The following ADAMTSL1 variants were observed in gnomAD, a reference collection of about 807,000 sequenced individuals.
The protein encoded by ADAMTSL1 is ADAMTS like 1.
A neutral mutation model predicts 201.8 loss-of-function variants in ADAMTSL1; 126 were observed. The ratio of observed to expected loss-of-function variants is 0.62; its 90% CI spans 0.54 to 0.72. The LOEUF (loss-of-function observed/expected upper bound fraction) is 0.72. Among genes scored for constraint, ADAMTSL1 ranks in the 30% least tolerant of loss-of-function variants. The probability of loss-of-function intolerance (pLI) is 0.00; values close to 1 mark genes in which losing one functional copy is unlikely to be tolerated. For synonymous variants in ADAMTSL1, 1,121 were observed against 903.4 expected, an observed-to-expected ratio of 1.24 and a Z score of -4.32; for missense variants, 2,679 against 2,277.8, an observed-to-expected ratio of 1.18 and a Z score of -3.59.
intron 2 of ADAMTSL1, among the ~76,000 whole-genome samples, chr9:18,289,022 A>T (rs1045185013): frequency 6.6e-6 from 1 of 152,240 alleles, no homozygotes; most frequent in African/African-American, 2.4e-5. Context: ...ACTGTAAATT[A>T]TATGAGTCTA....
intron 1 of ADAMTSL1, among the ~76,000 whole-genome samples, chr9:18,162,148 TC>T (rs1472424150): frequency 1.3e-5 from 2 of 152,030 alleles, no homozygotes; most frequent in African/African-American, 4.8e-5. Flanking sequence ...ACAGTTCTCA[TC>T]TAGGACTGGG....
At chr9:18,277,625 C>G (rs1361962848) in intron 2 of ADAMTSL1, among the ~76,000 whole-genome samples, 2 of 152,104 alleles carry the variant, frequency 1.3e-5, no homozygotes, top group Non-Finnish European at 2.9e-5. Flanking sequence ...GTTACATGGG[C>G]TGTTTCTTTC....
intron 1 of ADAMTSL1, among the ~76,000 whole-genome samples, chr9:18,141,793 C>T (rs1268521136): frequency 6.6e-6 from 1 of 152,198 alleles, no homozygotes; most frequent in Non-Finnish European, 1.5e-5. Flanking sequence ...CTGACTCTTT[C>T]ACCAACAGGC....
intron 1 of ADAMTSL1, among the ~76,000 whole-genome samples, chr9:18,059,381 A>C (rs1822348602): frequency 6.6e-6 from 1 of 152,138 alleles, no homozygotes; most frequent in African/African-American, 2.4e-5. Flanking sequence ...TGATAATTTC[A>C]TGTCATGTAT....
At chr9:18,761,995 A>C (rs550933639) in intron 16 of ADAMTSL1, among the ~76,000 whole-genome samples, 3 of 152,200 alleles carry the variant, frequency 2.0e-5, no homozygotes, top group Non-Finnish European at 4.4e-5. Context: ...CAGCCTGATA[A>C]AAGGTAGATG....
chr9:18,242,590 A>G (rs1265934976), intron 2 of ADAMTSL1, among the ~76,000 whole-genome samples: 1 of 152,126 alleles, frequency 6.6e-6, no homozygotes, highest in Non-Finnish European at 1.5e-5. Context: ...TGAAGGTGGT[A>G]TGATCTATTA....
At chr9:18,518,255 T>C (rs1315352877) in intron 2 of ADAMTSL1, among the ~76,000 whole-genome samples, 1 of 152,204 alleles carries the variant, frequency 6.6e-6, no homozygotes, top group Non-Finnish European at 1.5e-5. Context: ...ACCCAAATAT[T>C]GAACGTCGTA....
chr9:18,160,154 C>G lies in ADAMTSL1; in HGVS notation c.88-3708C>G, dbSNP rs12002553. 6.3e-3 allele frequency among the ~76,000 whole-genome samples: 963 copies of G among 152,082 alleles called. 10 individuals are homozygous for G. Among genetic ancestry groups the G allele is most frequent in the African/African-American group, 0.021 (852 of 41,502 alleles). ...GTTTCTGTATTCCCGGGTTGGTTCT[C>G]TAAGGAATGCTTTGGTGTGCCATGA... On this transcript the variant is annotated intron_variant, in intron 1 of 29. Coordinates refer to the ADAMTSL1 transcript ENST00000680146.
intron 19 of ADAMTSL1, among the ~76,000 whole-genome samples, chr9:18,780,444 G>T (rs1347631257): frequency 6.6e-6 from 1 of 152,166 alleles, no homozygotes; most frequent in East Asian, 1.9e-4. Context: ...GATCACAAGA[G>T]TTTGAGAAGG....
At chr9:18,480,398 C>T (rs1339296210) in intron 1 of ADAMTSL1, among the ~76,000 whole-genome samples, 3 of 152,156 alleles carry the variant, frequency 2.0e-5, no homozygotes, top group Non-Finnish European at 4.4e-5. Context: ...CTGCTGGATG[C>T]AGAGAATCCA....
intron 2 of ADAMTSL1, among the ~76,000 whole-genome samples, chr9:18,253,864 G>A (rs571100020): frequency 3.9e-5 from 6 of 152,276 alleles, no homozygotes; most frequent in African/African-American, 1.4e-4. Context: ...GTAGTGGGAC[G>A]AGGCAAGCAC....
At chr9:18,071,321 G>T (rs115908832) in intron 1 of ADAMTSL1, among the ~76,000 whole-genome samples, 1 of 152,168 alleles carries the variant, frequency 6.6e-6, no homozygotes, top group East Asian at 1.9e-4. Flanking sequence ...TTTAGAATTT[G>T]TCCAGAACAC....
intron 3 of ADAMTSL1, among the ~76,000 whole-genome samples, chr9:18,568,557 G>A (rs779995257): frequency 1.1e-4 from 16 of 152,118 alleles, no homozygotes; most frequent in African/African-American, 3.6e-4. Context: ...TTATCATAAC[G>A]TGGTTATCCG....
At chr9:18,216,491 A>T (rs1008036452) in intron 2 of ADAMTSL1, among the ~76,000 whole-genome samples, 2 of 152,132 alleles carry the variant, frequency 1.3e-5, no homozygotes, top group Non-Finnish European at 2.9e-5. Flanking sequence ...TAGCATAGGC[A>T]TGAGGGGAGA....
At chr9:18,169,317 G>T (rs1024879416) in intron 2 of ADAMTSL1, among the ~76,000 whole-genome samples, 1 of 151,822 alleles carries the variant, frequency 6.6e-6, no homozygotes, top group Non-Finnish European at 1.5e-5. Context: ...GTGTAAGGAA[G>T]GGATCCAGTT....
intron 1 of ADAMTSL1, among the ~76,000 whole-genome samples, chr9:18,036,634 G>C (rs1461095542): frequency 6.6e-6 from 1 of 152,158 alleles, no homozygotes; most frequent in Admixed American, 6.5e-5. Context: ...AGAGTAATCA[G>C]ATCAGTGACA....
intron 23 of ADAMTSL1, among the ~76,000 whole-genome samples, chr9:18,873,559 C>T (rs1037055502): frequency 6.6e-6 from 1 of 152,112 alleles, no homozygotes; most frequent in African/African-American, 2.4e-5. Context: ...ATAGGGTGTC[C>T]TTTCCCCACT....
chr9:18,351,053 G>C (rs191764090), intron 2 of ADAMTSL1, among the ~76,000 whole-genome samples: 2 of 151,998 alleles, frequency 1.3e-5, no homozygotes, highest in Non-Finnish European at 2.9e-5. Context: ...TTGTAACCTC[G>C]TTACAATGAA....
rs79455262 is a variant in ADAMTSL1, at chr9:18,238,710, G to A, written c.207+74729G>A. ...TTTTTTCTTTAAGTTGTGAATTGAC[G>A]ATTTATGTTTGTATACATTTATGGG... On this transcript the variant is annotated intron_variant, in intron 2 of 29. Coordinates refer to the ADAMTSL1 transcript ENST00000680146. Among the ~76,000 whole-genome samples the A allele has an allele frequency of 4.9e-3, 746 of 152,204 alleles. 4 individuals are homozygous for A. The highest frequency in any genetic ancestry group is 7.6e-3 in the Non-Finnish European group (519 of 68,014).
Sources: allele counts gnomAD v4.1 joint callset (sites outside exome capture counted in the v4.1 genomes callset), GRCh38; gene constraint gnomAD v4.1.1; transcripts MANE v1.5; gene names NCBI Gene and HGNC (gene_info 2026-07-23, HGNC 2026-07-21).